The following LRMDA variants were observed in gnomAD, a reference collection of about 807,000 sequenced individuals.
The protein encoded by LRMDA is leucine rich melanocyte differentiation associated, also known as leucine-rich melanocyte differentiation-associated protein.
LRMDA carries 18 observed loss-of-function variants against 29.8 expected under a neutral mutation model. That is an observed-to-expected ratio of 0.60 (90% CI 0.42 to 0.90). LRMDA has a LOEUF of 0.90. LRMDA is among the 40% of genes least tolerant of loss of function. The pLI is 0.00. For synonymous variants in LRMDA, 125 were observed against 109.4 expected (o/e 1.14, Z -0.89); for missense variants, 273 against 273.9 (o/e 1.00, Z 0.02).
At chr10:75,493,260 T>C (rs1845007162) in intron 2 of LRMDA, among the ~76,000 whole-genome samples, 2 of 152,048 alleles carry the variant, frequency 1.3e-5, no homozygotes, top group Non-Finnish European at 2.9e-5. Flanking sequence ...GAGAACAAGT[T>C]TTCCTAGGTT....
chr10:75,749,775 G>A (rs1447479262), intron 2 of LRMDA, among the ~76,000 whole-genome samples: 2 of 152,088 alleles, frequency 1.3e-5, no homozygotes. Flanking sequence ...AGGACCCTGC[G>A]GCCTTCCGCA....
chr10:75,899,288 T>C (rs939430926), intron 2 of LRMDA, among the ~76,000 whole-genome samples: 8 of 152,208 alleles, frequency 5.3e-5, no homozygotes, highest in African/African-American at 1.9e-4. Context: ...TCTTACCAGA[T>C]GCGATGCTAG....
chr10:76,487,940 T>G (rs1440305053), intron 6 of LRMDA, among the ~76,000 whole-genome samples: 1 of 151,906 alleles, frequency 6.6e-6, no homozygotes, highest in Non-Finnish European at 1.5e-5. Flanking sequence ...AGGATAATAA[T>G]CTGGTAGAAT....
At chr10:75,928,627 G>A (rs545795172) in intron 2 of LRMDA, among the ~76,000 whole-genome samples, 96 of 152,242 alleles carry the variant, frequency 6.3e-4, no homozygotes, top group African/African-American at 2.3e-3. Flanking sequence ...TGGATTTAAT[G>A]CTTAATATAA....
At chr10:76,519,294 A>T (rs1222495937) in intron 6 of LRMDA, among the ~76,000 whole-genome samples, 1 of 152,184 alleles carries the variant, frequency 6.6e-6, no homozygotes. Flanking sequence ...AAAAAGTGGC[A>T]TGCATTCATT....
At chr10:76,061,134 G>A (rs548049918) in intron 5 of LRMDA, among the ~76,000 whole-genome samples, 1 of 151,540 alleles carries the variant, frequency 6.6e-6, no homozygotes, top group African/African-American at 2.4e-5. Context: ...ATGCCCATCA[G>A]TGACAGATCA....
chr10:75,782,936 C>T (rs550046122), intron 2 of LRMDA: 1 of 1,613,188 alleles, frequency 6.2e-7, no homozygotes, highest in South Asian at 1.1e-5. Context: ...TCAGTGTAGC[C>T]ATCAAGAATT....
At chr10:76,042,487 G>T (rs1484050066) in intron 3 of LRMDA, among the ~76,000 whole-genome samples, 1 of 152,198 alleles carries the variant, frequency 6.6e-6, no homozygotes, top group Non-Finnish European at 1.5e-5. Context: ...GGTTTGGGGA[G>T]TGTGAAACCT....
chr10:75,884,952 A>G (rs1845359199), intron 2 of LRMDA, among the ~76,000 whole-genome samples: 1 of 151,558 alleles, frequency 6.6e-6, no homozygotes. Context: ...ACTCCAGTCC[A>G]GGAGGCCCGG....
intron 5 of LRMDA, among the ~76,000 whole-genome samples, chr10:76,311,078 C>T (rs1212386612): frequency 6.6e-6 from 1 of 152,012 alleles, no homozygotes; most frequent in East Asian, 1.9e-4. Flanking sequence ...AAGACTTGAT[C>T]AACATGTAAT....
chr10:76,412,106 G>A (rs1296370196), intron 6 of LRMDA, among the ~76,000 whole-genome samples: 1 of 152,200 alleles, frequency 6.6e-6, no homozygotes, highest in African/African-American at 2.4e-5. Context: ...AATTTTGTTT[G>A]ACTCACCAGC....
chr10:76,430,396 A>G (rs1377408696), intron 6 of LRMDA, among the ~76,000 whole-genome samples: 2 of 152,220 alleles, frequency 1.3e-5, no homozygotes, highest in Non-Finnish European at 2.9e-5. Context: ...GGGGCTTCTG[A>G]AGTCTTTAAA....
intron 5 of LRMDA, among the ~76,000 whole-genome samples, chr10:76,169,378 A>G (rs1850794524): frequency 5.3e-5 from 8 of 152,156 alleles, no homozygotes; most frequent in African/African-American, 1.9e-4. Context: ...CCCCTGAAAT[A>G]TTCTTTCCCT....
intron 5 of LRMDA, among the ~76,000 whole-genome samples, chr10:76,223,460 A>G (rs1427925616): frequency 6.6e-6 from 1 of 152,124 alleles, no homozygotes; most frequent in Non-Finnish European, 1.5e-5. Flanking sequence ...TGTGTCTATA[A>G]TGTTATAGAC....
In LRMDA at chr10:76,262,574, A is replaced by T. The variant is rs144879337; in HGVS notation, c.517-61827A>T. 3.3e-5 allele frequency among the ~76,000 whole-genome samples: 5 copies of T among 152,310 alleles called. No homozygotes were observed. In the East Asian group the frequency reaches 7.7e-4, roughly 24 times the overall value. On this transcript the variant is annotated intron_variant, in intron 5 of 6. Transcript: ENST00000611255. ...CTGATCTCAAATAACTCTCTGGCAT[A>T]TATGTGTTCGGCACCTACATCTTCT...
chr10:75,640,393 CAG>C (rs1280130709), intron 2 of LRMDA, among the ~76,000 whole-genome samples: 3 of 152,174 alleles, frequency 2.0e-5, no homozygotes, highest in African/African-American at 7.2e-5. Flanking sequence ...AATCAGCAGA[CAG>C]AAGAGCATTT....
intron 2 of LRMDA, among the ~76,000 whole-genome samples, chr10:75,610,603 A>T (rs1841017016): frequency 6.6e-6 from 1 of 152,198 alleles, no homozygotes; most frequent in Non-Finnish European, 1.5e-5. Flanking sequence ...AACTCCATGG[A>T]TGAGGGAACT....
At chr10:76,316,845 A>G (rs995412582) in intron 5 of LRMDA, among the ~76,000 whole-genome samples, 1 of 152,226 alleles carries the variant, frequency 6.6e-6, no homozygotes, top group Non-Finnish European at 1.5e-5. Context: ...GATAAAGATA[A>G]TTATTTGTTT....
chr10:76,193,504 G>A (rs1321194436), intron 5 of LRMDA, among the ~76,000 whole-genome samples: 3 of 152,056 alleles, frequency 2.0e-5, no homozygotes, highest in Non-Finnish European at 2.9e-5. Context: ...GGGATCCTTA[G>A]GCTCTTTTAG....
Sources: gnomAD v4.1 joint callset for allele counts (sites outside exome capture counted in the v4.1 genomes callset) on GRCh38, gnomAD v4.1.1 for gene constraint, MANE v1.5 for transcripts, NCBI Gene and HGNC (gene_info 2026-07-23, HGNC 2026-07-21) for gene names.